Variants in MED11 observed in about 807,000 individuals in gnomAD.
MED11 encodes mediator of RNA polymerase II transcription subunit 11.
Under a neutral mutation model 13.9 loss-of-function variants are expected in MED11, and 19 were observed. The ratio of observed to expected loss-of-function variants is 1.36; its 90% CI spans 0.95 to 2.00. The LOEUF is 2.00. Among genes scored for constraint, MED11 ranks in the 30% most tolerant of loss-of-function variants. The pLI is 0.00. For missense variants in MED11, 134 were observed against 150.2 expected, an observed-to-expected ratio of 0.89 and a Z score of 0.56; for synonymous variants, 67 against 62.1, an observed-to-expected ratio of 1.08 and a Z score of -0.37.
At chr17:4,731,622 G>C in intron 1 of MED11, 48 bp downstream of exon 1, 1 of 1,612,064 alleles carries the variant, frequency 6.2e-7, no homozygotes, top group Admixed American at 1.7e-5. Flanking sequence ...GCGTGACCGG[G>C]CTGCACTGGC....
At chr17:4,732,790 G>A (rs1385525996) in intron 2 of MED11, 27 of 496,228 alleles carry the variant, frequency 5.4e-5, no homozygotes, top group African/African-American at 7.8e-5. Context: ...TTCTGAAATC[G>A]TCGCAGGGAC....
chr17:4,731,574 G>A lies in MED11; in HGVS notation c.85G>A (p.Gly29Ser), dbSNP rs774324853. ...REIGAILQNA[G>S]TVILELSKEK... ...AATCGGCGCCATCCTTCAGAATGCA[G>A]GTTCGGGATGCGACAACCTGGACAG... The change falls in exon 1 of 3, where the codon GGT (glycine) becomes AGT (serine). Residue 29 changes from glycine (G) to serine (S), a missense_variant and splice_region_variant. By Grantham distance (56) the Gly-to-Ser change is moderately conservative (BLOSUM62 0). Coordinates refer to ENST00000293777, the MANE Select transcript of MED11 (RefSeq NM_001001683.4). The A allele has an allele frequency of 1.2e-6, 2 of 1,614,196 alleles. No homozygotes were observed. The highest frequency in any genetic ancestry group is 1.1e-5 in the South Asian group (1 of 91,086).
rs762215676 is a variant in MED11, at chr17:4,733,170, C to A, written c.337C>A (p.Gln113Lys). 138 of 1,613,998 alleles carry A rather than the reference C, an allele frequency of 8.6e-5. No individual in the cohort carries two copies. The highest frequency in any genetic ancestry group is 1.1e-4 in the Non-Finnish European group (131 of 1,180,024). ...KLSDVARTCE[Q>K]MLEN ...CAGTGATGTGGCTCGAACCTGTGAG[C>A]AGATGCTGGAGAACTAGGCCAGGGA... Residue 113 changes from glutamine to lysine, a missense_variant, in exon 3 of 3, where the codon CAG (glutamine) becomes AAG (lysine). Coordinates refer to ENST00000293777, the MANE Select transcript of MED11 (RefSeq NM_001001683.4).
intron 2 of MED11, 180 bp downstream of exon 2, chr17:4,732,086 G>A (rs1157979860): frequency 7.5e-6 from 5 of 666,158 alleles, no homozygotes; most frequent in Non-Finnish European, 1.2e-5. Context: ...GACAGAGTTC[G>A]AGACCAGCCT....
intron 2 of MED11, chr17:4,732,159 C>T: frequency 4.2e-6 from 2 of 472,088 alleles, no homozygotes; most frequent in Non-Finnish European, 3.7e-6. Flanking sequence ...CTCGGTGGCT[C>T]ACTCCTGTAA....
intron 1 of MED11, 46 bp downstream of exon 1, chr17:4,731,620 G>T (rs1172694523): frequency 1.2e-6 from 2 of 1,610,204 alleles, no homozygotes; most frequent in Non-Finnish European, 1.7e-6. Flanking sequence ...AAGCGTGACC[G>T]GGCTGCACTG....
chr17:4,732,796 G>A (rs1567693524), intron 2 of MED11: 1 of 502,836 alleles, frequency 2.0e-6, no homozygotes, highest in Admixed American at 3.6e-5. Context: ...AATCGTCGCA[G>A]GGACCACTAC....
At chr17:4,731,737 C>CA (rs1326858181) in intron 1 of MED11, 39 bp from the exon 2 acceptor site, 3 of 1,608,800 alleles carry the variant, frequency 1.9e-6, no homozygotes, top group African/African-American at 2.7e-5. Context: ...GCTACACTGG[C>CA]AGTCTCCGTG....
At chr17:4,732,024 C>A in intron 2 of MED11, 118 bp downstream of exon 2, 2 of 1,279,514 alleles carry the variant, frequency 1.6e-6, no homozygotes, top group Admixed American at 2.8e-5. Context: ...GCCGGCCATC[C>A]AGAGCGGGTT....
At position 4,731,545 on chromosome 17, in the gene MED11, G is replaced by A. The variant is rs1915975359; in HGVS notation, c.56G>A (p.Arg19Gln). Residue 19 changes from arginine (R) to glutamine (Q), a missense_variant, in exon 1 of 3, where the codon CGG becomes CAG. Coordinates refer to ENST00000293777, the MANE Select transcript of MED11 (RefSeq NM_001001683.4). ...ERLRALEDIE[R>Q]EIGAILQNAG... The stretch of plus-strand genomic sequence containing the variant: ...CTACGCGCTCTGGAAGACATTGAAC[G>A]GGAAATCGGCGCCATCCTTCAGAAT... 1 of 1,614,156 alleles carries A rather than the reference G, an allele frequency of 6.2e-7. No individual in the cohort carries two copies. The highest frequency in any genetic ancestry group is 1.7e-5 in the Admixed American group (1 of 60,024).
rs745486694 is a variant in MED11 at position 4,733,032 on chromosome 17, T to A, written c.217-18T>A. 3.7e-6 allele frequency: 6 copies of A among 1,613,382 alleles called. No individual in the cohort carries two copies. Among genetic ancestry groups the A allele is most frequent in the Non-Finnish European group, 3.4e-6 (4 of 1,179,586 alleles). On this transcript the variant is annotated intron_variant, in intron 2 of 2. Coordinates refer to ENST00000293777, the MANE Select transcript of MED11 (RefSeq NM_001001683.4). ...TAGGGTAAAGGAGATGGTGCTCCAT[T>A]GATAGTCTGTCTTGTAGGTGGCCAC...
intron 2 of MED11, 63 bp from the exon 3 acceptor site, chr17:4,732,987 A>T: frequency 6.4e-7 from 1 of 1,569,622 alleles, no homozygotes; most frequent in South Asian, 1.1e-5. Context: ...ATGAGACGAG[A>T]CCTGATGCCT....
chr17:4,731,722 G>A, intron 1 of MED11, 54 bp from the exon 2 acceptor site: 2 of 1,607,882 alleles, frequency 1.2e-6, no homozygotes, highest in East Asian at 2.2e-5. Context: ...CTGGCCTAGG[G>A]AGAGGCTACA....
At chr17:4,731,625 G>C in intron 1 of MED11, 51 bp downstream of exon 1, 1 of 1,611,628 alleles carries the variant, frequency 6.2e-7, no homozygotes. Context: ...TGACCGGGCT[G>C]CACTGGCAGC....
Position 4,733,465 on chromosome 17 carries a change from T to C in MED11, c.*278T>C, listed in dbSNP as rs567842184. 1.7e-5 allele frequency: 6 copies of C among 355,630 alleles called. No individual in the cohort carries two copies. In the South Asian group the frequency reaches 3.0e-4, roughly 18 times the overall value. 22.0% of individuals were successfully genotyped at this position (355,630 alleles called of 1,614,324 possible). A position where few individuals can be genotyped will look rare whatever the true frequency, so the allele number is the denominator to read the frequency against. On this transcript the variant is annotated 3_prime_UTR_variant, in exon 3 of 3. Coordinates refer to ENST00000293777, the MANE Select transcript of MED11 (RefSeq NM_001001683.4). ...AAACTGACATACCCAACCCACTTCC[T>C]CAAACACTTCATGCTGCTGCCCCAG...
chr17:4,731,499 T>C lies in MED11; in HGVS notation c.10T>C (p.Tyr4His). 2 of 1,614,016 alleles carry C rather than the reference T, an allele frequency of 1.2e-6. No individual in the cohort carries two copies. The highest frequency in any genetic ancestry group is 1.7e-6 in the Non-Finnish European group (2 of 1,179,978). Residue 4 changes from tyrosine to histidine, a missense_variant, in exon 1 of 3, where the codon TAC becomes CAC. Tyr to His is a moderately conservative substitution (Grantham distance 83, BLOSUM62 2). Transcript: ENST00000293777. ...AATTCCCAGAGTGATAATGGCTACCTACAGCCTGGCGAACGAGAGACTACG... is the reference window on the plus strand; with the variant it reads ...AATTCCCAGAGTGATAATGGCTACCCACAGCCTGGCGAACGAGAGACTACG... MAT[Y>H]SLANERLRAL...
chr17:4,731,802 G>GA lies in MED11; in HGVS notation c.118dup (p.Thr40AsnfsTer2). ...TACTGTGATCCTAGAATTGTCCAAG[G>GA]AAAAAACTAACGAGCGGCTCCTAGA... On this transcript the variant is annotated frameshift_variant, in exon 2 of 3. Transcript: ENST00000293777. LOFTEE classifies it high-confidence loss of function. The GA allele has an allele frequency of 3.1e-6, 5 of 1,614,158 alleles. No individual in the cohort carries two copies. Among genetic ancestry groups the GA allele is most frequent in the Non-Finnish European group, 4.2e-6 (5 of 1,180,016 alleles).
intron 1 of MED11, 34 bp downstream of exon 1, chr17:4,731,608 G>T: frequency 6.2e-7 from 1 of 1,613,532 alleles, no homozygotes; most frequent in Non-Finnish European, 8.5e-7. Flanking sequence ...AGCGGGGAGC[G>T]AAAGCGTGAC....
At chr17:4,731,991 C>T in intron 2 of MED11, 85 bp downstream of exon 2, 1 of 1,498,626 alleles carries the variant, frequency 6.7e-7, no homozygotes, top group Non-Finnish European at 9.0e-7. Flanking sequence ...GGAGCATTAA[C>T]TGGGCAGGAC....
Sources: allele counts gnomAD v4.1 joint callset, GRCh38; gene constraint gnomAD v4.1.1; transcripts MANE v1.5; gene names NCBI Gene and HGNC (gene_info 2026-07-23, HGNC 2026-07-21).